Variants in CELF2 observed in about 807,000 individuals in gnomAD.
CELF2 encodes the protein CUGBP Elav-like family member 2.
CELF2 carries 8 observed loss-of-function variants against 62.6 expected under a neutral mutation model. The ratio of observed to expected loss-of-function variants is 0.13; its 90% CI spans 0.07 to 0.23. The LOEUF (loss-of-function observed/expected upper bound fraction) is 0.23, where lower values mean the gene tolerates loss of function less well. Among genes scored for constraint, CELF2 ranks in the 10% least tolerant of loss-of-function variants. The pLI is 1.00. For missense variants in CELF2, 333 were observed against 671.0 expected, an observed-to-expected ratio of 0.50 and a Z score of 5.56; for synonymous variants, 258 against 250.0, an observed-to-expected ratio of 1.03 and a Z score of -0.30.
At chr10:11,226,608 ACACACACACACACAC>A (rs1258849673) in intron 3 of CELF2, among the ~76,000 whole-genome samples, 3,223 of 147,528 alleles carry the variant, frequency 0.022, 61 homozygotes, top group Middle Eastern at 0.031. Context: ...GGCCACACAC[ACACACACACACACAC>A]ACACACACAC....
At chr10:11,132,553 A>G (rs1219500271) in intron 1 of CELF2, among the ~76,000 whole-genome samples, 3 of 152,248 alleles carry the variant, frequency 2.0e-5, no homozygotes, top group African/African-American at 4.8e-5. Context: ...TCAAAGGATT[A>G]TGTATTAAAC....
At chr10:10,502,137 A>G in the CELF2 span, among the ~76,000 whole-genome samples, 1 of 152,146 alleles carries the variant, frequency 6.6e-6, no homozygotes, top group South Asian at 2.1e-4. Flanking sequence ...ATAATTCTTC[A>G]TATATATTAC....
upstream of CELF2, among the ~76,000 whole-genome samples, chr10:11,004,925 C>T (rs1335508755): frequency 2.6e-5 from 4 of 152,050 alleles, no homozygotes; most frequent in Non-Finnish European, 5.9e-5. This position sits in a 1 kb window ranked among gnomAD's most constrained non-coding sequence, Gnocchi z 5.0. Context: ...TACTCATCTG[C>T]GATGCTTGCT....
chr10:10,745,750 A>G, the CELF2 span, among the ~76,000 whole-genome samples: 3 of 152,206 alleles, frequency 2.0e-5, no homozygotes, highest in Non-Finnish European at 2.9e-5. Context: ...GCAGCTGACC[A>G]TCAAGCCTCC....
the CELF2 span, among the ~76,000 whole-genome samples, chr10:10,631,411 C>T: frequency 6.6e-6 from 1 of 152,168 alleles, no homozygotes; most frequent in Non-Finnish European, 1.5e-5. Flanking sequence ...CACTTCAAAG[C>T]TTTCTCTAGA....
At chr10:10,765,383 C>T in the CELF2 span, among the ~76,000 whole-genome samples, 27 of 152,192 alleles carry the variant, frequency 1.8e-4, no homozygotes, top group South Asian at 6.2e-4. Context: ...GGCCAGAATC[C>T]GAGCAGAGCT....
At chr10:10,747,130 T>TAGGTAATTTTTTACCTA in the CELF2 span, among the ~76,000 whole-genome samples, 5 of 152,232 alleles carry the variant, frequency 3.3e-5, no homozygotes, top group African/African-American at 1.2e-4. Flanking sequence ...AAATTGAGCC[T>TAGGTAATTTTTTACCTA]GATGTTGTCT....
chr10:10,606,271 A>C, the CELF2 span, among the ~76,000 whole-genome samples: 5 of 152,234 alleles, frequency 3.3e-5, no homozygotes, highest in Admixed American at 6.5e-5. Flanking sequence ...AGACTTGGCC[A>C]ATTTCAGTCT....
At position 11,243,178 on chromosome 10, in the gene CELF2, G is replaced by C. The variant is rs1019286514; in HGVS notation, c.355-5975G>C. Among the ~76,000 whole-genome samples the C allele has an allele frequency of 2.6e-5, 4 of 152,120 alleles. No individual in the cohort carries two copies. Among genetic ancestry groups the C allele is most frequent in the Non-Finnish European group, 5.9e-5 (4 of 68,014 alleles). ...AGTACACAGCAGCAACAGAGCTTCA[G>C]CAGATGCCTTCTTGGGACCGCGCTT... On this transcript the variant is annotated intron_variant, in intron 3 of 12. Coordinates refer to ENST00000633077, the MANE Select transcript of CELF2 (RefSeq NM_001326342.2). This position sits in a 1 kb window ranked among gnomAD's most constrained non-coding sequence, Gnocchi z 4.1.
chr10:11,164,444 G>A (rs938790844), intron 1 of CELF2, among the ~76,000 whole-genome samples: 4 of 152,188 alleles, frequency 2.6e-5, no homozygotes, highest in African/African-American at 9.7e-5. Context: ...GAGGAGGACT[G>A]ATATGCAAAA....
intron 2 of CELF2, among the ~76,000 whole-genome samples, chr10:11,167,581 T>C (rs1305093946): frequency 2.0e-5 from 3 of 152,248 alleles, no homozygotes; most frequent in African/African-American, 4.8e-5. Flanking sequence ...GGCCTAGTTA[T>C]TCTCCCATTG....
chr10:10,632,729 G>A, the CELF2 span, among the ~76,000 whole-genome samples: 1 of 152,130 alleles, frequency 6.6e-6, no homozygotes, highest in Non-Finnish European at 1.5e-5. Flanking sequence ...AAAACACGTA[G>A]TATAAAATTC....
upstream of CELF2, among the ~76,000 whole-genome samples, chr10:11,001,477 A>C (rs921449042): frequency 2.0e-5 from 3 of 152,230 alleles, no homozygotes; most frequent in African/African-American, 7.2e-5. Flanking sequence ...AAAACTTAAG[A>C]ATCATTAAGT....
rs115394786 is a variant in CELF2, at chr10:11,166,223, G to A, written c.271+541G>A. Among the ~76,000 whole-genome samples the A allele has an allele frequency of 9.7e-4, 147 of 152,330 alleles. 1 individual carries two copies. The highest frequency in any genetic ancestry group is 3.4e-3 in the African/African-American group (142 of 41,582). Reference sequence around the variant, plus strand: ...CATTCCTGGGGGTCAGGTGGGGACCGTGAGGTGAATCTGCCTTTTGGAGCT... The same window carrying A: ...CATTCCTGGGGGTCAGGTGGGGACCATGAGGTGAATCTGCCTTTTGGAGCT... On this transcript the variant is annotated intron_variant, in intron 2 of 12. Transcript: ENST00000633077.
rs2075964992 is a variant in CELF2, at chr10:11,190,151, TATCTC to T, written c.271+24470_271+24474del. Among the ~76,000 whole-genome samples, 7 of 152,356 alleles carry T rather than the reference TATCTC, an allele frequency of 4.6e-5. No homozygotes were observed. The South Asian group carries it at 1.5e-3, about 32-fold the overall frequency. On this transcript the variant is annotated intron_variant, in intron 2 of 12. Transcript: ENST00000633077. ...TGTTAACTTATTTATGCACATGTCT[TATCTC>T]CTCCAACCACTTATAAATCCCTTGA...
intron 1 of CELF2, among the ~76,000 whole-genome samples, chr10:11,036,427 T>G (rs1999207): frequency 6.6e-6 from 1 of 152,070 alleles, no homozygotes; most frequent in Non-Finnish European, 1.5e-5. Context: ...AGTTACTAAT[T>G]GAGGGTATGT....
At chr10:10,564,841 G>C in the CELF2 span, among the ~76,000 whole-genome samples, 1,738 of 151,730 alleles carry the variant, frequency 0.011, 62 homozygotes, top group East Asian at 0.098. Context: ...ACTACCTCCA[G>C]AAGAAATCAC....
chr10:11,139,785 C>T (rs1272514393), intron 1 of CELF2, among the ~76,000 whole-genome samples: 3 of 151,768 alleles, frequency 2.0e-5, no homozygotes, highest in Admixed American at 2.0e-4. Context: ...AATACCTATT[C>T]TTTACCTCTC....
the CELF2 span, among the ~76,000 whole-genome samples, chr10:10,617,447 A>G: frequency 6.6e-6 from 1 of 152,166 alleles, no homozygotes; most frequent in African/African-American, 2.4e-5. Flanking sequence ...CAGCAAAGGA[A>G]TGACAGTATC....
Sources: allele counts gnomAD v4.1 joint callset (sites outside exome capture counted in the v4.1 genomes callset), GRCh38; gene constraint gnomAD v4.1.1; non-coding constraint Gnocchi (gnomAD v3.1); transcripts MANE v1.5; gene names NCBI Gene and HGNC (gene_info 2026-07-23, HGNC 2026-07-21).